The following ATXN8OS variants were observed in gnomAD, a reference collection of about 807,000 sequenced individuals.
ATXN8OS encodes ATXN8 opposite strand (non-protein coding).
At chr13:70,114,989 A>G (rs2137470410) in intron 1 of ATXN8OS, among the ~76,000 whole-genome samples, 1 of 152,020 alleles carries the variant, frequency 6.6e-6, no homozygotes, top group African/African-American at 2.4e-5. Flanking sequence ...AATAGAAGAG[A>G]GACTCCTGGT....
intron 4 of ATXN8OS, among the ~76,000 whole-genome samples, chr13:70,152,092 C>G (rs1329605915): frequency 6.6e-6 from 1 of 152,024 alleles, no homozygotes; most frequent in Non-Finnish European, 1.5e-5. Flanking sequence ...ATGCACTGCT[C>G]CATTCATAAT....
chr13:70,148,001 T>G (rs563948093), intron 4 of ATXN8OS, among the ~76,000 whole-genome samples: 1 of 152,284 alleles, frequency 6.6e-6, no homozygotes, highest in South Asian at 2.1e-4. Context: ...TGGCAGTTGG[T>G]TGAAGGAGTT....
intron 4 of ATXN8OS, among the ~76,000 whole-genome samples, chr13:70,148,569 G>T (rs1888820810): frequency 1.3e-5 from 2 of 151,906 alleles, no homozygotes; most frequent in South Asian, 2.1e-4. Context: ...AGATGGAAGG[G>T]GGTATAATTT....
At position 70,167,382 on chromosome 13, in the gene ATXN8OS, C is replaced by T. The variant is rs1381528426; in HGVS notation, n.574-2371C>T. ...GTAGGGACATGGATGAAACTGGAAA[C>T]CATCATTCTCAGCAAACCATGGCAA... On this transcript the variant is annotated intron_variant and non_coding_transcript_variant, in intron 4 of 4. Coordinates refer to ENST00000678624, the Ensembl canonical transcript of ATXN8OS. Among the ~76,000 whole-genome samples, 8 of 151,984 alleles carry T rather than the reference C, an allele frequency of 5.3e-5. No individual in the cohort carries two copies. The South Asian group carries it at 6.2e-4, about 12-fold the overall frequency.
chr13:70,157,015 G>T lies in ATXN8OS; in HGVS notation n.573+9587G>T, dbSNP rs117301522. ...TTTTAAAATTAGGAAATAACATACC[G>T]TAGATATAAATATAATAATAGAGAC... On this transcript the variant is annotated intron_variant and non_coding_transcript_variant, in intron 4 of 4. Coordinates refer to ENST00000678624, the Ensembl canonical transcript of ATXN8OS. 2.6e-5 allele frequency among the ~76,000 whole-genome samples: 4 copies of T among 151,946 alleles called. 1 individual carries two copies. The highest frequency in any genetic ancestry group is 9.7e-5 in the African/African-American group (4 of 41,368).
At chr13:70,123,598 G>C (rs1044752846) in intron 2 of ATXN8OS, among the ~76,000 whole-genome samples, 2 of 152,020 alleles carry the variant, frequency 1.3e-5, no homozygotes, top group Non-Finnish European at 2.9e-5. Flanking sequence ...TGATAGGTAA[G>C]ATCCTATATT....
At chr13:70,143,712 A>G (rs564955099) in intron 3 of ATXN8OS, among the ~76,000 whole-genome samples, 41 of 152,280 alleles carry the variant, frequency 2.7e-4, no homozygotes, top group African/African-American at 9.1e-4. Flanking sequence ...AATCTAAATA[A>G]TACATATACT....
rs573037733 is a variant in ATXN8OS, at chr13:70,155,320, A to AT, written n.573+7898dup. ...CTGCTCCTCTTTTAAACCTGTAGCC[A>AT]TTTTTTAAGGCGAGATCTTTTTTAG... On this transcript the variant is annotated intron_variant and non_coding_transcript_variant, in intron 4 of 4. Transcript: ENST00000678624. Among the ~76,000 whole-genome samples the AT allele has an allele frequency of 7.1e-4, 108 of 152,232 alleles. 1 individual carries two copies. Among genetic ancestry groups the AT allele is most frequent in the African/African-American group, 2.6e-3 (106 of 41,540 alleles).
In ATXN8OS at chr13:70,114,748, A is replaced by G. The variant is rs376925150; in HGVS notation, n.241-393A>G. ...AAGTGCCAGACAATGATTTCATTCT[A>G]TCTTGATACAAATCTTATTTAGGTA... On this transcript the variant is annotated intron_variant and non_coding_transcript_variant, in intron 1 of 4. Transcript: ENST00000678624. Among the ~76,000 whole-genome samples, 58 of 152,302 alleles carry G rather than the reference A, an allele frequency of 3.8e-4. 2 individuals are homozygous for G. The South Asian group carries it at 0.012, about 31-fold the overall frequency.
chr13:70,122,472 G>A (rs774581616), intron 2 of ATXN8OS, among the ~76,000 whole-genome samples: 11 of 151,902 alleles, frequency 7.2e-5, no homozygotes, highest in Non-Finnish European at 1.5e-4. Flanking sequence ...AACATGCAAT[G>A]TCATTCATTA....
At chr13:70,165,533 C>A (rs1318453167) in intron 4 of ATXN8OS, among the ~76,000 whole-genome samples, 1 of 151,912 alleles carries the variant, frequency 6.6e-6, no homozygotes, top group Non-Finnish European at 1.5e-5. Flanking sequence ...GCAAACATGA[C>A]TCAAATATAT....
chr13:70,147,710 C>A (rs919594261), intron 4 of ATXN8OS, among the ~76,000 whole-genome samples: 1 of 152,074 alleles, frequency 6.6e-6, no homozygotes, highest in Non-Finnish European at 1.5e-5. Flanking sequence ...TGAGACAGGT[C>A]TCTACCAAGT....
chr13:70,147,351 C>G (rs571964188), intron 3 of ATXN8OS, among the ~76,000 whole-genome samples: 1 of 151,680 alleles, frequency 6.6e-6, no homozygotes. Flanking sequence ...CTTTTTTTTC[C>G]TAGTTCTATA....
chr13:70,107,576 C>A (rs370644626), upstream of ATXN8OS: 9 of 1,605,106 alleles, frequency 5.6e-6, no homozygotes, highest in South Asian at 3.3e-5. Context: ...CTGCCACTGC[C>A]GTCCTGTTGC....
intron 3 of ATXN8OS, among the ~76,000 whole-genome samples, chr13:70,132,111 A>C (rs879369912): frequency 6.6e-6 from 1 of 152,110 alleles, no homozygotes; most frequent in African/African-American, 2.4e-5. Context: ...TTTATAATGC[A>C]TTGAAAATAC....
intron 4 of ATXN8OS, among the ~76,000 whole-genome samples, chr13:70,159,808 C>G (rs1039790059): frequency 3.3e-5 from 5 of 152,168 alleles, no homozygotes; most frequent in African/African-American, 1.2e-4. Flanking sequence ...CTAACACTGG[C>G]TTCTTTCATC....
In ATXN8OS at chr13:70,135,253, CT is replaced by C. The variant is rs1888595986; in HGVS notation, n.499+5370del. Among the ~76,000 whole-genome samples the C allele has an allele frequency of 2.6e-5, 4 of 152,080 alleles. No homozygotes were observed. In the South Asian group the frequency reaches 8.3e-4, roughly 32 times the overall value. On this transcript the variant is annotated intron_variant and non_coding_transcript_variant, in intron 3 of 4. Coordinates refer to ENST00000678624, the Ensembl canonical transcript of ATXN8OS. ...AACTTGCCCCTCCTTTTTTGGGCCC[CT>C]ATGTGACACGTCAGATCTTTAGTTC...
intron 4 of ATXN8OS, among the ~76,000 whole-genome samples, chr13:70,152,400 T>C (rs188207419): frequency 5.4e-4 from 82 of 152,044 alleles, no homozygotes; most frequent in African/African-American, 1.9e-3. Flanking sequence ...TACACATATA[T>C]ACATACAAGT....
intron 4 of ATXN8OS, among the ~76,000 whole-genome samples, chr13:70,164,072 T>C (rs934390785): frequency 6.8e-6 from 1 of 146,890 alleles, no homozygotes; most frequent in Non-Finnish European, 1.5e-5. Flanking sequence ...TTATTATTAT[T>C]ATTATTATTA....
Sources: allele counts gnomAD v4.1 joint callset (sites outside exome capture counted in the v4.1 genomes callset), GRCh38; gene constraint gnomAD v4.1.1; transcripts MANE v1.5; gene names NCBI Gene and HGNC (gene_info 2026-07-23, HGNC 2026-07-21).